The following CDK6 variants were observed in gnomAD, a reference collection of about 807,000 sequenced individuals.
CDK6 encodes the protein cyclin-dependent kinase 6.
In CDK6, 6 loss-of-function variants were observed where a neutral mutation model predicts 37.1. That is an observed-to-expected ratio of 0.16 (90% CI 0.09 to 0.32). The LOEUF (loss-of-function observed/expected upper bound fraction) is 0.32. CDK6 is among the 10% of genes least tolerant of loss of function. The pLI is 1.00. For missense variants in CDK6, 224 were observed against 418.9 expected (o/e 0.53, Z 4.06); for synonymous variants, 160 against 161.3 (o/e 0.99, Z 0.06).
At chr7:92,649,900 T>G (rs1029310494) in intron 5 of CDK6, among the ~76,000 whole-genome samples, 2 of 152,242 alleles carry the variant, frequency 1.3e-5, no homozygotes, top group Admixed American at 6.5e-5. Flanking sequence ...TAAGTAGCCT[T>G]CAGAGCTTAG....
intron 2 of CDK6, among the ~76,000 whole-genome samples, chr7:92,781,666 T>C (rs1002021651): frequency 6.6e-6 from 1 of 152,198 alleles, no homozygotes; most frequent in East Asian, 1.9e-4. Context: ...TCTATGAGGA[T>C]TTTTTTCCGG....
At chr7:92,796,717 G>A (rs755122999) in intron 2 of CDK6, among the ~76,000 whole-genome samples, 3 of 152,022 alleles carry the variant, frequency 2.0e-5, no homozygotes, top group Non-Finnish European at 2.9e-5. Flanking sequence ...TTTAGTAACT[G>A]TTTAATCATA....
rs367599865 is a variant in CDK6, at chr7:92,758,545, AT to A, written c.369+16150del. Among the ~76,000 whole-genome samples the A allele has an allele frequency of 2.1e-3, 314 of 152,280 alleles. 1 individual carries two copies. The highest frequency in any genetic ancestry group is 7.2e-3 in the African/African-American group (301 of 41,554). On this transcript the variant is annotated intron_variant, in intron 3 of 7. Coordinates refer to ENST00000424848, the MANE Select transcript of CDK6 (RefSeq NM_001145306.2). ...GCTTTGGTTACTGCAGCCCTGTAGT[AT>A]CATTTGAAGTTCGGTAGCATGATGC... is the stretch of plus-strand genomic sequence containing the variant.
chr7:92,791,290 A>G (rs1264131093), intron 2 of CDK6, among the ~76,000 whole-genome samples: 2 of 152,144 alleles, frequency 1.3e-5, no homozygotes, highest in Non-Finnish European at 2.9e-5. Flanking sequence ...TGGTTTTCAG[A>G]GGCCTGGAAA....
In CDK6 at chr7:92,673,518, T is replaced by C. The variant is rs995096695; in HGVS notation, c.538-1983A>G. On this transcript the variant is annotated intron_variant, in intron 4 of 7. Transcript: ENST00000424848. ...TGAAACAATGTTACTCAAGTTACCA[T>C]TTGGCCCCAACATATCTTTCTATCA... is the stretch of plus-strand genomic sequence containing the variant. Among the ~76,000 whole-genome samples, 5 of 152,182 alleles carry C rather than the reference T, an allele frequency of 3.3e-5. No individual in the cohort carries two copies. In the East Asian group the frequency reaches 5.8e-4, roughly 18 times the overall value.
intron 3 of CDK6, among the ~76,000 whole-genome samples, chr7:92,758,635 T>C (rs536323758): frequency 3.3e-5 from 5 of 152,356 alleles, no homozygotes; most frequent in African/African-American, 1.2e-4. Context: ...TGATTCCATA[T>C]GAATTTGAAA....
intron 5 of CDK6, among the ~76,000 whole-genome samples, chr7:92,625,257 C>T (rs1161319758): frequency 6.7e-6 from 1 of 150,048 alleles, no homozygotes; most frequent in African/African-American, 2.5e-5. Context: ...CACACACACA[C>T]ACCTCTCTTA....
chr7:92,724,763 CT>C (rs1562947706), intron 4 of CDK6, among the ~76,000 whole-genome samples: 1 of 152,000 alleles, frequency 6.6e-6, no homozygotes, highest in African/African-American at 2.4e-5. Context: ...AAGATATTTT[CT>C]TTTTTAAAAT....
intron 2 of CDK6, among the ~76,000 whole-genome samples, chr7:92,817,775 A>G (rs930740716): frequency 6.6e-6 from 1 of 151,928 alleles, no homozygotes; most frequent in Non-Finnish European, 1.5e-5. Context: ...AAGCTACCAG[A>G]CTAATAAGGG....
intron 3 of CDK6, among the ~76,000 whole-genome samples, chr7:92,746,704 G>T (rs1252373455): frequency 2.6e-5 from 4 of 152,050 alleles, no homozygotes; most frequent in Non-Finnish European, 4.4e-5. Context: ...AACAGTTGGT[G>T]TACGAGACTA....
intron 3 of CDK6, among the ~76,000 whole-genome samples, chr7:92,738,407 T>C (rs866489536): frequency 9.9e-5 from 15 of 152,120 alleles, no homozygotes; most frequent in Non-Finnish European, 1.5e-4. Flanking sequence ...TGGGAGGCCA[T>C]GGCAGGCAGA....
intron 3 of CDK6, among the ~76,000 whole-genome samples, chr7:92,739,398 T>C (rs112385718): frequency 4.1e-4 from 63 of 152,324 alleles, no homozygotes; most frequent in African/African-American, 1.4e-3. Context: ...GTAACTGTAA[T>C]CTCCATCTGT....
intron 2 of CDK6, among the ~76,000 whole-genome samples, chr7:92,792,228 A>T (rs1800303042): frequency 6.6e-6 from 1 of 152,188 alleles, no homozygotes; most frequent in Admixed American, 6.6e-5. Context: ...TCAGCTGTCT[A>T]TCAGGATCAT....
chr7:92,707,793 C>A (rs559769702), intron 4 of CDK6, among the ~76,000 whole-genome samples: 2 of 152,326 alleles, frequency 1.3e-5, no homozygotes, highest in African/African-American at 4.8e-5. Flanking sequence ...ATTCTGCTGT[C>A]TTCCCAGACT....
At chr7:92,722,230 G>C (rs1238940590) in intron 4 of CDK6, among the ~76,000 whole-genome samples, 1 of 152,026 alleles carries the variant, frequency 6.6e-6, no homozygotes, top group East Asian at 1.9e-4. Flanking sequence ...CTTTCATTTA[G>C]AGGATGTTAA....
intron 2 of CDK6, among the ~76,000 whole-genome samples, chr7:92,778,444 A>T (rs1799902689): frequency 6.6e-6 from 1 of 152,246 alleles, no homozygotes. Context: ...AGATAGTACC[A>T]TAAATCATAT....
chr7:92,750,451 A>G (rs1244580049), intron 3 of CDK6, among the ~76,000 whole-genome samples: 1 of 152,162 alleles, frequency 6.6e-6, no homozygotes, highest in African/African-American at 2.4e-5. Flanking sequence ...TTACAATCCT[A>G]ATTTGTGGAT....
At chr7:92,618,283 G>A (rs1287036511) in intron 6 of CDK6, 76 bp from the exon 7 acceptor site, 3 of 1,502,634 alleles carry the variant, frequency 2.0e-6, no homozygotes, top group African/African-American at 2.8e-5. Flanking sequence ...TCCAGAGAAA[G>A]GCAAAATCTA....
intron 2 of CDK6, among the ~76,000 whole-genome samples, chr7:92,807,403 T>C (rs993984544): frequency 2.6e-5 from 4 of 151,972 alleles, no homozygotes; most frequent in Admixed American, 2.0e-4. Context: ...TATCTAGAGA[T>C]ATCTATCTAG....
Sources: allele counts gnomAD v4.1 joint callset (sites outside exome capture counted in the v4.1 genomes callset), GRCh38; gene constraint gnomAD v4.1.1; transcripts MANE v1.5; gene names NCBI Gene and HGNC (gene_info 2026-07-23, HGNC 2026-07-21).